Variants in PLCB4 observed in about 807,000 individuals in gnomAD.
The protein encoded by PLCB4 is 1-phosphatidylinositol 4,5-bisphosphate phosphodiesterase beta-4.
In PLCB4, 77 loss-of-function variants were observed where a neutral mutation model predicts 178.8. The ratio of observed to expected loss-of-function variants is 0.43; its 90% CI spans 0.36 to 0.52. The LOEUF is 0.52. Ranked by LOEUF, PLCB4 falls within the 20% of genes least tolerant of loss-of-function variation. The pLI is 0.00. For missense variants in PLCB4, 1,024 were observed against 1,453.4 expected, an observed-to-expected ratio of 0.70 and a Z score of 4.80; for synonymous variants, 496 against 490.8, an observed-to-expected ratio of 1.01 and a Z score of -0.14.
At chr20:9,396,036 C>A (rs1440288701) in intron 19 of PLCB4, among the ~76,000 whole-genome samples, 4 of 152,234 alleles carry the variant, frequency 2.6e-5, no homozygotes, top group South Asian at 4.2e-4. Context: ...TATAATAATG[C>A]CGTTTTAATT....
At chr20:9,139,088 T>C (rs867639318) in intron 2 of PLCB4, among the ~76,000 whole-genome samples, 1 of 152,160 alleles carries the variant, frequency 6.6e-6, no homozygotes, top group South Asian at 2.1e-4. Flanking sequence ...GAACTATTAA[T>C]AGAATGCCAA....
chr20:9,461,804 A>G (rs117426171), intron 35 of PLCB4, among the ~76,000 whole-genome samples: 154 of 152,352 alleles, frequency 1.0e-3, no homozygotes, highest in Non-Finnish European at 1.9e-3. Context: ...TACTGCCTCT[A>G]TAGACACCAT....
At chr20:9,236,738 G>C (rs141735974) in intron 3 of PLCB4, among the ~76,000 whole-genome samples, 15 of 152,302 alleles carry the variant, frequency 9.8e-5, no homozygotes, top group Admixed American at 6.5e-4. Context: ...TTCTACGTGA[G>C]TTTCTATGGA....
intron 4 of PLCB4, among the ~76,000 whole-genome samples, chr20:9,322,540 C>G (rs1453342750): frequency 6.6e-6 from 1 of 152,200 alleles, no homozygotes; most frequent in Non-Finnish European, 1.5e-5. Context: ...CAGGTCCAGC[C>G]TGCATTCCCT....
intron 28 of PLCB4, 122 bp from the exon 29 acceptor site, chr20:9,435,438 G>A (rs920182628): frequency 1.7e-6 from 1 of 598,694 alleles, no homozygotes; most frequent in Non-Finnish European, 2.9e-6. Context: ...TATGTCCTAG[G>A]AAAAGATTAT....
intron 28 of PLCB4, 41 bp downstream of exon 28, chr20:9,423,993 G>A: frequency 1.7e-6 from 2 of 1,180,370 alleles, no homozygotes; most frequent in Non-Finnish European, 2.5e-6. Context: ...TATAGATGAG[G>A]TCCTAGATTA....
intron 4 of PLCB4, among the ~76,000 whole-genome samples, chr20:9,329,871 T>C (rs2031369471): frequency 6.6e-6 from 1 of 152,112 alleles, no homozygotes; most frequent in African/African-American, 2.4e-5. Flanking sequence ...GAACATTCTA[T>C]ATCCTTCCAA....
intron 2 of PLCB4, among the ~76,000 whole-genome samples, chr20:9,187,074 A>G (rs1248286565): frequency 6.6e-6 from 1 of 152,082 alleles, no homozygotes; most frequent in African/African-American, 2.4e-5. Flanking sequence ...TTCTGGGTTC[A>G]GGCGATTCTC....
At chr20:9,099,665 C>T (rs1203289885) in intron 2 of PLCB4, among the ~76,000 whole-genome samples, 1 of 152,036 alleles carries the variant, frequency 6.6e-6, no homozygotes, top group African/African-American at 2.4e-5. Context: ...CACCACAAAG[C>T]TATTCCTAGG....
rs940211513 is a variant in PLCB4 at position 9,216,137 on chromosome 20, C to G, written c.-78-1253C>G. 1.8e-4 allele frequency among the ~76,000 whole-genome samples: 28 copies of G among 152,174 alleles called. 1 individual carries two copies. The highest frequency in any genetic ancestry group is 1.7e-3 in the Admixed American group (26 of 15,274). ...TTTTCCCAGGTGTCATCAGTTGCCT[C>G]TGCCTTCTTACCATATGGAAATGGG... On this transcript the variant is annotated intron_variant, in intron 2 of 39. Coordinates refer to ENST00000378473, the MANE Select transcript of PLCB4 (RefSeq NM_001377142.1).
At chr20:9,145,863 G>A (rs1327344786) in intron 2 of PLCB4, among the ~76,000 whole-genome samples, 2 of 152,020 alleles carry the variant, frequency 1.3e-5, no homozygotes, top group Non-Finnish European at 2.9e-5. Context: ...GGGGGTTTTA[G>A]GGAAAGCTTC....
chr20:9,209,386 T>C (rs2093648488), intron 2 of PLCB4, among the ~76,000 whole-genome samples: 1 of 152,158 alleles, frequency 6.6e-6, no homozygotes. Flanking sequence ...CCCCCGAGAC[T>C]ACTGCCCCTT....
chr20:9,163,956 G>C (rs1391185862), intron 2 of PLCB4, among the ~76,000 whole-genome samples: 1 of 152,122 alleles, frequency 6.6e-6, no homozygotes, highest in Non-Finnish European at 1.5e-5. Context: ...TTCATTTATT[G>C]AAAGGAAACT....
At chr20:9,389,281 A>G (rs1006469640) in intron 15 of PLCB4, among the ~76,000 whole-genome samples, 6 of 152,152 alleles carry the variant, frequency 3.9e-5, no homozygotes, top group South Asian at 2.1e-4. Context: ...TTTCACTTAC[A>G]TGTTGCTTGA....
At chr20:9,415,739 T>C (rs566779693) in intron 25 of PLCB4, among the ~76,000 whole-genome samples, 41 of 152,188 alleles carry the variant, frequency 2.7e-4, no homozygotes, top group Non-Finnish European at 5.1e-4. Context: ...AGAATGAAAA[T>C]GAAGGGCTCC....
chr20:9,314,808 C>A (rs1025484667), intron 4 of PLCB4, among the ~76,000 whole-genome samples: 1 of 152,082 alleles, frequency 6.6e-6, no homozygotes, highest in East Asian at 1.9e-4. Flanking sequence ...AAGACCCTCA[C>A]AGCCACAGGC....
chr20:9,416,294 G>A (rs146784287), intron 25 of PLCB4, among the ~76,000 whole-genome samples: 8 of 152,264 alleles, frequency 5.3e-5, no homozygotes, highest in African/African-American at 1.7e-4. Flanking sequence ...TGGGTAGGAA[G>A]GGCTCTTGAT....
chr20:9,422,592 G>A (rs980285418), intron 27 of PLCB4, among the ~76,000 whole-genome samples: 4 of 152,086 alleles, frequency 2.6e-5, no homozygotes, highest in Non-Finnish European at 5.9e-5. Flanking sequence ...TGTTTTGGAT[G>A]AATGAGAAAA....
intron 19 of PLCB4, among the ~76,000 whole-genome samples, chr20:9,398,743 A>G (rs1156352216): frequency 6.6e-6 from 1 of 151,554 alleles, no homozygotes. Context: ...TCTGTCACCC[A>G]GGCTGGAGTG....
Sources: gnomAD v4.1 joint callset for allele counts (sites outside exome capture counted in the v4.1 genomes callset) on GRCh38, gnomAD v4.1.1 for gene constraint, MANE v1.5 for transcripts, NCBI Gene and HGNC (gene_info 2026-07-23, HGNC 2026-07-21) for gene names.